The following FOCAD variants were observed in gnomAD, a reference collection of about 807,000 sequenced individuals.
The protein encoded by FOCAD is KIAA1797.
A neutral mutation model predicts 225.6 loss-of-function variants in FOCAD; 198 were observed. That is an observed-to-expected ratio of 0.88 (90% CI 0.78 to 0.99). FOCAD has a LOEUF of 0.99. FOCAD is among the 50% of genes least tolerant of loss of function. The probability of loss-of-function intolerance (pLI) is 0.00; values close to 1 mark genes in which losing one functional copy is unlikely to be tolerated. For synonymous variants in FOCAD, 897 were observed against 755.0 expected (o/e 1.19, Z -3.08); for missense variants, 2,713 against 2,123.6 (o/e 1.28, Z -5.46).
intron 11 of FOCAD, among the ~76,000 whole-genome samples, chr9:20,808,260 C>T (rs1822676754): frequency 6.6e-6 from 1 of 152,102 alleles, no homozygotes; most frequent in Admixed American, 6.6e-5. Context: ...ACTTTGTTAA[C>T]CTTTTCTTCC....
intron 11 of FOCAD, among the ~76,000 whole-genome samples, chr9:20,809,843 A>G (rs1381743177): frequency 6.6e-6 from 1 of 152,168 alleles, no homozygotes; most frequent in Non-Finnish European, 1.5e-5. Context: ...CTGGATATGT[A>G]ACTCATAAGA....
intron 2 of FOCAD, among the ~76,000 whole-genome samples, chr9:20,663,336 G>A (rs1194852514): frequency 6.6e-6 from 1 of 152,116 alleles, no homozygotes; most frequent in African/African-American, 2.4e-5. Flanking sequence ...CAGCCTGAGT[G>A]ACAGGGAAAG....
chr9:20,795,492 C>G (rs558099085), intron 11 of FOCAD, among the ~76,000 whole-genome samples: 1 of 152,052 alleles, frequency 6.6e-6, no homozygotes, highest in Non-Finnish European at 1.5e-5. Context: ...TAAGAAGACA[C>G]AGCATGTTTT....
chr9:20,722,378 G>A (rs1825859655), intron 4 of FOCAD, among the ~76,000 whole-genome samples: 1 of 152,188 alleles, frequency 6.6e-6, no homozygotes, highest in African/African-American at 2.4e-5. Context: ...AGCATGGCAT[G>A]CTCCTTCCCC....
At chr9:20,870,030 CA>C (rs1235543856) in intron 18 of FOCAD, among the ~76,000 whole-genome samples, 1 of 151,934 alleles carries the variant, frequency 6.6e-6, no homozygotes, top group African/African-American at 2.4e-5. Context: ...AAAAAACAAA[CA>C]AAAAAACTAT....
chr9:20,989,469 A>G (rs1446038673), intron 41 of FOCAD, among the ~76,000 whole-genome samples: 2 of 152,180 alleles, frequency 1.3e-5, no homozygotes, highest in East Asian at 1.9e-4. Flanking sequence ...CACCATTTCT[A>G]TGATTGTCTA....
Position 20,717,803 on chromosome 9 carries a change from C to A in FOCAD, c.67C>A (p.His23Asn), listed in dbSNP as rs763980249. Residue 23 changes from histidine (H) to asparagine (N), a missense_variant, in exon 3 of 44, where the codon CAT becomes AAT. Physicochemically the swap from His to Asn is moderately conservative, Grantham distance 68. Transcript: ENST00000338382. ...TTTATTTCTTTTTAAGGCTGTGGGT[C>A]ATCTTATTGCTGCAGTCCTAAAGGA... ...NSLIQSQAVG[H>N]LIAAVLKENG... is the part of the protein sequence containing the mutation. 1 of 1,611,400 alleles carries A rather than the reference C, an allele frequency of 6.2e-7. No homozygotes were observed. The highest frequency in any genetic ancestry group is 1.1e-5 in the South Asian group (1 of 90,944).
intron 21 of FOCAD, among the ~76,000 whole-genome samples, chr9:20,886,716 G>A (rs1159560374): frequency 6.6e-6 from 1 of 152,156 alleles, no homozygotes; most frequent in Non-Finnish European, 1.5e-5. Context: ...TCTGCCAAAT[G>A]TATAGTAGGA....
intron 7 of FOCAD, among the ~76,000 whole-genome samples, chr9:20,768,152 T>A (rs1049442933): frequency 6.7e-6 from 1 of 148,996 alleles, no homozygotes; most frequent in African/African-American, 2.5e-5. Flanking sequence ...GCGGCGTTAT[T>A]TCTGAGGGCT....
chr9:20,811,796 A>C (rs1056121518), intron 11 of FOCAD, among the ~76,000 whole-genome samples: 1 of 147,076 alleles, frequency 6.8e-6, no homozygotes, highest in African/African-American at 2.5e-5. Context: ...AGAATTAAGT[A>C]ATGTTCAAAA....
intron 22 of FOCAD, among the ~76,000 whole-genome samples, chr9:20,908,144 A>G (rs1833142504): frequency 6.6e-6 from 1 of 152,150 alleles, no homozygotes; most frequent in South Asian, 2.1e-4. Flanking sequence ...GAAAACAACT[A>G]GCTTAATTGT....
In FOCAD at chr9:20,990,365, G is replaced by C. The variant is rs146289463; in HGVS notation, c.5247G>C (p.Gln1749His). The change falls in exon 42 of 44, where the codon CAG becomes CAC. Residue 1749 changes from glutamine (Q) to histidine (H), a missense_variant. Coordinates refer to ENST00000338382, the MANE Select transcript of FOCAD (RefSeq NM_001375567.1). Reference sequence around the variant, plus strand: ...TGCAGAAAGAGCCATGGAAGGAACAGACCCAGAAGGTGAGGCTGGCAGCCA... The same window carrying C: ...TGCAGAAAGAGCCATGGAAGGAACACACCCAGAAGGTGAGGCTGGCAGCCA... ...LLLQKEPWKEQTQKFIDWLFS... is the reference protein window; with the variant it reads ...LLLQKEPWKEHTQKFIDWLFS... 1 of 1,613,400 alleles carries C rather than the reference G, an allele frequency of 6.2e-7. No homozygotes were observed. The highest frequency in any genetic ancestry group is 1.3e-5 in the African/African-American group (1 of 75,064).
chr9:20,690,457 A>T (rs763100219), intron 1 of FOCAD, among the ~76,000 whole-genome samples: 2 of 152,122 alleles, frequency 1.3e-5, no homozygotes, highest in African/African-American at 2.4e-5. Flanking sequence ...ATTCTTTCTT[A>T]AACCCACTTT....
Position 20,972,170 on chromosome 9 carries a change from A to G in FOCAD, c.4133-4250A>G, listed in dbSNP as rs150748559. On this transcript the variant is annotated intron_variant, in intron 35 of 43. Coordinates refer to ENST00000338382, the MANE Select transcript of FOCAD (RefSeq NM_001375567.1). ...TAGTTATAATTTTCTATTTATATAAAATAATGTGTAAATTTTTAAGGAACT... is the reference window on the plus strand; with the variant it reads ...TAGTTATAATTTTCTATTTATATAAGATAATGTGTAAATTTTTAAGGAACT... Among the ~76,000 whole-genome samples, 165 of 152,222 alleles carry G rather than the reference A, an allele frequency of 1.1e-3. 1 individual carries two copies. Among genetic ancestry groups the G allele is most frequent in the African/African-American group, 3.9e-3 (160 of 41,546 alleles).
rs1314976907 is a variant in FOCAD, at chr9:20,778,782, C to G, written c.994+14C>G. The G allele has an allele frequency of 3.4e-6, 5 of 1,461,754 alleles. No individual in the cohort carries two copies. Among genetic ancestry groups the G allele is most frequent in the Non-Finnish European group, 4.8e-6 (5 of 1,043,718 alleles). 90.5% of individuals were successfully genotyped at this position (1,461,754 alleles called of 1,614,324 possible). ...TCTTAAATCTAGGTAAATAAAAATA[C>G]AGTCACTAGAGTAAAATGTAAATAT... On this transcript the variant is annotated intron_variant, in intron 9 of 43. Transcript: ENST00000338382.
intron 5 of FOCAD, among the ~76,000 whole-genome samples, chr9:20,751,970 C>G (rs1410421655): frequency 6.9e-6 from 1 of 144,852 alleles, no homozygotes; most frequent in Non-Finnish European, 1.5e-5. Context: ...TGAGAAGTGT[C>G]TGTTCATGTC....
intron 35 of FOCAD, among the ~76,000 whole-genome samples, chr9:20,971,785 C>T (rs1468442781): frequency 6.6e-6 from 1 of 152,026 alleles, no homozygotes; most frequent in Admixed American, 6.6e-5. Flanking sequence ...CCCCTGGTAA[C>T]CACCATTCCA....
chr9:20,770,725 C>G (rs1011877457), intron 8 of FOCAD, among the ~76,000 whole-genome samples: 4 of 152,178 alleles, frequency 2.6e-5, no homozygotes, highest in African/African-American at 9.7e-5. Flanking sequence ...CTGGGTGGAT[C>G]TGCTCATTTA....
chr9:20,908,414 G>A (rs888699450), intron 22 of FOCAD, among the ~76,000 whole-genome samples: 3 of 151,986 alleles, frequency 2.0e-5, no homozygotes, highest in Non-Finnish European at 4.4e-5. Flanking sequence ...CTTAGAACTC[G>A]TAAAACACTA....
Sources: allele counts gnomAD v4.1 joint callset (sites outside exome capture counted in the v4.1 genomes callset), GRCh38; gene constraint gnomAD v4.1.1; transcripts MANE v1.5; gene names NCBI Gene and HGNC (gene_info 2026-07-23, HGNC 2026-07-21).